PRKCQ: variants seen among roughly 807,000 people sequenced by gnomAD.
PRKCQ encodes protein kinase C theta type.
In PRKCQ, 41 loss-of-function variants were observed where a neutral mutation model predicts 91.2. The observed-to-expected ratio is 0.45, with a 90% CI of 0.35 to 0.58. PRKCQ has a LOEUF of 0.58. Ranked by LOEUF, PRKCQ falls within the 20% of genes least tolerant of loss-of-function variation. PRKCQ has a pLI of 0.00. For missense variants in PRKCQ, 673 were observed against 896.5 expected (o/e 0.75, Z 3.18); for synonymous variants, 307 against 316.9 (o/e 0.97, Z 0.33).
At chr10:6,494,266 A>G (rs1376189546) in intron 7 of PRKCQ, among the ~76,000 whole-genome samples, 2 of 152,140 alleles carry the variant, frequency 1.3e-5, no homozygotes, top group African/African-American at 4.8e-5. Flanking sequence ...ACCAGAGCTC[A>G]GGCCCTCTTC....
In PRKCQ at chr10:6,479,103, ATCTT is replaced by A; in HGVS notation, c.1238_1241del (p.Lys413MetfsTer4). ...CAACATCATCGTCCATCAAGACCAC[ATCTT>A]TCTTTAAGGCCTTTATTGCGAAAAA... On this transcript the variant is annotated frameshift_variant, in exon 12 of 18. Coordinates refer to ENST00000263125, the MANE Select transcript of PRKCQ (RefSeq NM_006257.5). LOFTEE classifies it high-confidence loss of function. 1 of 1,614,188 alleles carries A rather than the reference ATCTT, an allele frequency of 6.2e-7. No individual in the cohort carries two copies. Among genetic ancestry groups the A allele is most frequent in the Non-Finnish European group, 8.5e-7 (1 of 1,180,024 alleles).
At chr10:6,397,848 C>G in the PRKCQ span, among the ~76,000 whole-genome samples, 3 of 152,134 alleles carry the variant, frequency 2.0e-5, no homozygotes, top group Non-Finnish European at 4.4e-5. Flanking sequence ...TCGCTTGAAC[C>G]TGGGAGATGG....
chr10:6,470,472 ATAAGG>A (rs1392117100), intron 12 of PRKCQ, among the ~76,000 whole-genome samples: 1 of 152,220 alleles, frequency 6.6e-6, no homozygotes, highest in Admixed American at 6.5e-5. Context: ...GTTGGGTCTA[ATAAGG>A]AAACTCCACT....
chr10:6,489,705 G>A (rs1393323922), intron 8 of PRKCQ, among the ~76,000 whole-genome samples: 1 of 151,984 alleles, frequency 6.6e-6, no homozygotes, highest in Non-Finnish European at 1.5e-5. Context: ...AACAAACCAG[G>A]GCAGGGGAGG....
At position 6,430,716 on chromosome 10, in the gene PRKCQ, G is replaced by GC. The variant is rs1833366658; in HGVS notation, c.1965+93dup. On this transcript the variant is annotated intron_variant, in intron 17 of 17. Coordinates refer to ENST00000263125, the MANE Select transcript of PRKCQ (RefSeq NM_006257.5). The surrounding 1 kb of genome is among the most constrained non-coding windows in gnomAD (Gnocchi z 4.7). ...GGGCTGGTGGGGAGTTGGGGCACCG[G>GC]CAGGGGTGAGCAGCTGCGGTGACTT... The GC allele has an allele frequency of 6.6e-7, 1 of 1,523,320 alleles. No homozygotes were observed. The highest frequency in any genetic ancestry group is 1.4e-5 in the African/African-American group (1 of 72,952). 94.4% of individuals were successfully genotyped at this position (1,523,320 alleles called of 1,614,324 possible).
rs143753932 is a variant in PRKCQ, at chr10:6,542,573, T to C, written c.-9-27429A>G. Among the ~76,000 whole-genome samples, 506 of 152,310 alleles carry C rather than the reference T, an allele frequency of 3.3e-3. 2 individuals carry two copies. Among genetic ancestry groups the C allele is most frequent in the African/African-American group, 0.011 (472 of 41,562 alleles). ...CTTTAACACCCTATAACACAGCATC[T>C]GCAGCTTCAGAGTGAACAGTTCTCC... On this transcript the variant is annotated intron_variant, in intron 1 of 17. Transcript: ENST00000263125.
rs1834495778 is a variant in PRKCQ at position 6,449,042 on chromosome 10, G to C, written c.1648-6961C>G. On this transcript the variant is annotated intron_variant, in intron 15 of 17. Transcript: ENST00000263125. ...GCAGAGTGCCTCTCCTCCTCCAAAG[G>C]AACGCAGTTCCTCACCAGCAACGGA... Among the ~76,000 whole-genome samples, 4 of 152,180 alleles carry C rather than the reference G, an allele frequency of 2.6e-5. No individual in the cohort carries two copies. In the South Asian group the frequency reaches 8.3e-4, roughly 31 times the overall value.
At chr10:6,440,791 C>T (rs546863043) in intron 16 of PRKCQ, among the ~76,000 whole-genome samples, 1 of 152,270 alleles carries the variant, frequency 6.6e-6, no homozygotes, top group South Asian at 2.1e-4. Context: ...GAGTTCAAGA[C>T]CAGCTTGGCC....
chr10:6,410,015 G>A, the PRKCQ span, among the ~76,000 whole-genome samples: 2 of 152,362 alleles, frequency 1.3e-5, no homozygotes, highest in Admixed American at 6.5e-5. Context: ...AAGATTGGCA[G>A]AAGCTCATAA....
chr10:6,487,204 G>A (rs1836976370), intron 8 of PRKCQ, among the ~76,000 whole-genome samples: 2 of 152,154 alleles, frequency 1.3e-5, no homozygotes, highest in Admixed American at 1.3e-4. Context: ...TAACTAAGTG[G>A]ATCTCACAGT....
At chr10:6,522,851 A>G (rs1041599044) in intron 1 of PRKCQ, among the ~76,000 whole-genome samples, 2 of 152,250 alleles carry the variant, frequency 1.3e-5, no homozygotes, top group Admixed American at 1.3e-4. Flanking sequence ...GTTTCCAATT[A>G]CATCTGCTCA....
At chr10:6,529,729 T>G (rs1165737739) in intron 1 of PRKCQ, among the ~76,000 whole-genome samples, 1 of 152,200 alleles carries the variant, frequency 6.6e-6, no homozygotes, top group Non-Finnish European at 1.5e-5. Context: ...TGACTTAATC[T>G]TTCTGTGACT....
At chr10:6,554,170 C>T (rs1046514205) in intron 1 of PRKCQ, among the ~76,000 whole-genome samples, 4 of 152,112 alleles carry the variant, frequency 2.6e-5, no homozygotes, top group East Asian at 1.9e-4. Flanking sequence ...TTGAAACCCA[C>T]GACCGTCAGG....
At chr10:6,463,289 T>C (rs774645362) in intron 13 of PRKCQ, among the ~76,000 whole-genome samples, 2 of 152,196 alleles carry the variant, frequency 1.3e-5, no homozygotes, top group Middle Eastern at 3.2e-3. Context: ...ATATAAGAGA[T>C]AGCTTCCTGG....
intron 1 of PRKCQ, among the ~76,000 whole-genome samples, chr10:6,567,635 T>C (rs1182543529): frequency 6.6e-6 from 1 of 152,200 alleles, no homozygotes; most frequent in Admixed American, 6.5e-5. Flanking sequence ...GGCTTTAACA[T>C]TGTTTTAGCT....
intron 4 of PRKCQ, among the ~76,000 whole-genome samples, chr10:6,501,901 A>G (rs948404297): frequency 2.6e-5 from 4 of 152,158 alleles, no homozygotes; most frequent in African/African-American, 4.8e-5. Context: ...GGCAAGGTCA[A>G]CCTCCCAGAA....
chr10:6,548,898 AAAG>A (rs1393918692), intron 1 of PRKCQ, among the ~76,000 whole-genome samples: 14 of 152,306 alleles, frequency 9.2e-5, no homozygotes, highest in South Asian at 4.1e-4. Context: ...TAAAATAAAA[AAAG>A]AAGATGTTAT....
intron 11 of PRKCQ, among the ~76,000 whole-genome samples, chr10:6,481,535 T>C (rs1177843409): frequency 6.6e-6 from 1 of 152,252 alleles, no homozygotes; most frequent in Non-Finnish European, 1.5e-5. Flanking sequence ...ATTGTGGAAC[T>C]GAACAAAAAG....
chr10:6,503,678 C>A (rs1479918479), intron 4 of PRKCQ, among the ~76,000 whole-genome samples: 1 of 109,780 alleles, frequency 9.1e-6, no homozygotes. Flanking sequence ...TTCCATATCT[C>A]CCACTTCTGT....
Sources: allele counts gnomAD v4.1 joint callset (sites outside exome capture counted in the v4.1 genomes callset), GRCh38; gene constraint gnomAD v4.1.1; non-coding constraint Gnocchi (gnomAD v3.1); transcripts MANE v1.5; gene names NCBI Gene and HGNC (gene_info 2026-07-23, HGNC 2026-07-21).